Variants in MYH9 observed in about 807,000 individuals in gnomAD.
MYH9 encodes myosin-9.
A neutral mutation model predicts 241.9 loss-of-function variants in MYH9; 29 were observed. The ratio of observed to expected loss-of-function variants is 0.12; its 90% confidence interval spans 0.09 to 0.16. MYH9 has a LOEUF of 0.16. Among genes scored for constraint, MYH9 ranks in the 10% least tolerant of loss-of-function variants. The pLI is 1.00. For synonymous variants in MYH9, 1,047 were observed against 1,062.6 expected (o/e 0.99, Z 0.29); for missense variants, 1,803 against 2,595.5 (o/e 0.69, Z 6.63).
intron 1 of MYH9, among the ~76,000 whole-genome samples, chr22:36,352,566 A>G (rs1162608436): frequency 6.6e-6 from 1 of 152,104 alleles, no homozygotes; most frequent in Non-Finnish European, 1.5e-5. Context: ...CAAACATCAC[A>G]CCAGCTGGCG....
rs1436542338 is a variant in MYH9, at chr22:36,305,352, G to C, written c.2160-250C>G. ...GTGTAGGACCGTTTCAATCACTCAA[G>C]GGCGTGCTTCAGGTTGGACTAAGTG... On this transcript the variant is annotated intron_variant, in intron 17 of 40. Coordinates refer to ENST00000216181, the MANE Select transcript of MYH9 (RefSeq NM_002473.6). The surrounding 1 kb of genome is among the most constrained non-coding windows in gnomAD (Gnocchi z 4.7). Among the ~76,000 whole-genome samples the C allele has an allele frequency of 6.6e-6, 1 of 152,170 alleles. No homozygotes were observed. Among genetic ancestry groups the C allele is most frequent in the Non-Finnish European group, 1.5e-5 (1 of 68,038 alleles).
intron 1 of MYH9, among the ~76,000 whole-genome samples, chr22:36,381,551 G>A (rs1386459151): frequency 6.6e-6 from 1 of 151,268 alleles, no homozygotes; most frequent in Admixed American, 6.6e-5. Flanking sequence ...GAAATGTACT[G>A]CTCACTCCCT....
rs771416106 is a variant in MYH9, at chr22:36,303,985, C to G, written c.2390+10G>C. ...TGGCATGCGGGGCAGGAGTATCTCCCGGGACTCACTTCCTGGCCAGGTAGC... is the reference window on the plus strand; with the variant it reads ...TGGCATGCGGGGCAGGAGTATCTCCGGGGACTCACTTCCTGGCCAGGTAGC... On this transcript the variant is annotated intron_variant, in intron 19 of 40. Transcript: ENST00000216181. 5.6e-6 allele frequency: 9 copies of G among 1,613,060 alleles called. No homozygotes were observed. The highest frequency in any genetic ancestry group is 1.1e-5 in the South Asian group (1 of 91,076).
intron 2 of MYH9, among the ~76,000 whole-genome samples, chr22:36,342,912 G>C (rs930282460): frequency 6.6e-6 from 1 of 152,212 alleles, no homozygotes; most frequent in African/African-American, 2.4e-5. Context: ...CCTTGGTCAC[G>C]GAGGCCAGTT....
chr22:36,305,549 G>T lies in MYH9; in HGVS notation c.2159+381C>A, dbSNP rs553905447. Among the ~76,000 whole-genome samples, 1 of 152,206 alleles carries T rather than the reference G, an allele frequency of 6.6e-6. No homozygotes were observed. The highest frequency in any genetic ancestry group is 6.5e-5 in the Admixed American group (1 of 15,284). ...ATTAGAGAAACAGGAAGGTGTCGCC[G>T]TCTTCGCACACAGCAACGCACGGCC... On this transcript the variant is annotated intron_variant, in intron 17 of 40. Coordinates refer to ENST00000216181, the MANE Select transcript of MYH9 (RefSeq NM_002473.6). This position sits in a 1 kb window ranked among gnomAD's most constrained non-coding sequence, Gnocchi z 4.7.
chr22:36,290,589 C>A (rs1257932916), intron 31 of MYH9, among the ~76,000 whole-genome samples: 1 of 152,016 alleles, frequency 6.6e-6, no homozygotes, highest in Non-Finnish European at 1.5e-5. Flanking sequence ...AAGTGAGGAG[C>A]GTCTCTGCCT....
chr22:36,376,880 T>C (rs2018176265), intron 1 of MYH9, among the ~76,000 whole-genome samples: 1 of 152,144 alleles, frequency 6.6e-6, no homozygotes, highest in Non-Finnish European at 1.5e-5. Context: ...CTAGCCAGCA[T>C]GGTGAAACCC....
chr22:36,290,157 G>T (rs1011352103), intron 31 of MYH9, among the ~76,000 whole-genome samples: 3 of 152,072 alleles, frequency 2.0e-5, no homozygotes, highest in Non-Finnish European at 4.4e-5. Context: ...GCAGGAGTTT[G>T]AGACCAGCCT....
rs2017901884 is a variant in MYH9, at chr22:36,359,393, G to C, written c.-19-10138C>G. On this transcript the variant is annotated intron_variant, in intron 1 of 40. Transcript: ENST00000216181. ...TCCCCTTGGGCTGTGGCTGTGCAAAGAGGGACAGGGCTGGAGAGCTGAAGG... is the reference window on the plus strand; with the variant it reads ...TCCCCTTGGGCTGTGGCTGTGCAAACAGGGACAGGGCTGGAGAGCTGAAGG... 2.0e-5 allele frequency among the ~76,000 whole-genome samples: 3 copies of C among 152,244 alleles called. No homozygotes were observed. The South Asian group carries it at 6.2e-4, about 31-fold the overall frequency.
At chr22:36,346,208 TTG>T (rs1490583147) in intron 2 of MYH9, among the ~76,000 whole-genome samples, 2 of 151,576 alleles carry the variant, frequency 1.3e-5, no homozygotes, top group African/African-American at 4.9e-5. Flanking sequence ...ACATATCTAC[TTG>T]TTGATAGGTC....
intron 2 of MYH9, among the ~76,000 whole-genome samples, chr22:36,345,703 T>C (rs1029802842): frequency 4.6e-5 from 7 of 152,214 alleles, no homozygotes; most frequent in African/African-American, 1.7e-4. Flanking sequence ...TTGGTCCACA[T>C]GATAATCTTA....
chr22:36,337,627 A>C (rs972623627), intron 3 of MYH9, among the ~76,000 whole-genome samples: 1 of 152,246 alleles, frequency 6.6e-6, no homozygotes, highest in Non-Finnish European at 1.5e-5. Context: ...CCAGCTCAGG[A>C]AGGAAATCTT....
chr22:36,308,715 A>G (rs1177206308), intron 15 of MYH9: 6 of 649,670 alleles, frequency 9.2e-6, no homozygotes, highest in African/African-American at 2.0e-5. Context: ...AGCCAAGGCA[A>G]GGGGGGGCGC....
At chr22:36,321,680 G>T (rs2017253873) in intron 7 of MYH9, 78 bp downstream of exon 7, 1 of 1,330,816 alleles carries the variant, frequency 7.5e-7, no homozygotes, top group East Asian at 2.3e-5. Flanking sequence ...GCTGGAATCA[G>T]GAGGCAGCTT....
At chr22:36,318,357 A>G (rs747199394) in intron 10 of MYH9, 32 bp from the exon 11 acceptor site, 122 of 1,531,894 alleles carry the variant, frequency 8.0e-5, no homozygotes, top group Non-Finnish European at 1.1e-4. Context: ...GAGAGGGACA[A>G]AAAGTCCTAA....
At chr22:36,321,905 C>A in intron 6 of MYH9, 84 bp from the exon 7 acceptor site, 1 of 1,224,198 alleles carries the variant, frequency 8.2e-7, no homozygotes, top group Non-Finnish European at 1.2e-6. Context: ...AGCCCCCCGC[C>A]CCACCTCCGG....
At position 36,281,531 on chromosome 22, in the gene MYH9, C is replaced by T. The variant is rs1160062791; in HGVS notation, c.*1137G>A. ...TTAAAAAAAAAAAATGCCTTCTTGC[C>T]GTAAGTCTCAATGCAGCATATACAA... On this transcript the variant is annotated 3_prime_UTR_variant, in exon 41 of 41. Transcript: ENST00000216181. 1.3e-5 allele frequency: 3 copies of T among 227,904 alleles called. No individual in the cohort carries two copies. The highest frequency in any genetic ancestry group is 2.6e-5 in the Non-Finnish European group (3 of 114,728). 14.1% of individuals were successfully genotyped at this position (227,904 alleles called of 1,614,324 possible).
At chr22:36,360,654 A>G in intron 1 of MYH9, among the ~76,000 whole-genome samples, 1 of 151,204 alleles carries the variant, frequency 6.6e-6, no homozygotes. Context: ...GGGAGCTTGC[A>G]GTGAGCCGAG....
At chr22:36,336,718 C>T (rs1343089413) in intron 3 of MYH9, among the ~76,000 whole-genome samples, 2 of 152,224 alleles carry the variant, frequency 1.3e-5, no homozygotes, top group Non-Finnish European at 2.9e-5. Flanking sequence ...CACACACCAC[C>T]GCCTTTCTGC....
Sources: gnomAD v4.1 joint callset for allele counts (sites outside exome capture counted in the v4.1 genomes callset) on GRCh38, gnomAD v4.1.1 for gene constraint, Gnocchi (gnomAD v3.1) non-coding constraint, MANE v1.5 for transcripts, NCBI Gene and HGNC (gene_info 2026-07-23, HGNC 2026-07-21) for gene names.